Variants in USP34 observed in about 807,000 individuals in gnomAD.
The protein encoded by USP34 is ubiquitin carboxyl-terminal hydrolase 34.
In USP34, 70 loss-of-function variants were observed where a neutral mutation model predicts 460.3. The ratio of observed to expected loss-of-function variants is 0.15; its 90% CI spans 0.13 to 0.19. The LOEUF (loss-of-function observed/expected upper bound fraction) is 0.19. Ranked by LOEUF, USP34 falls within the 10% of genes least tolerant of loss-of-function variation. The pLI is 1.00. For synonymous variants in USP34, 1,647 were observed against 1,405.3 expected, an observed-to-expected ratio of 1.17 and a Z score of -3.85; for missense variants, 3,985 against 4,236.2, an observed-to-expected ratio of 0.94 and a Z score of 1.65.
chr2:61,221,714 G>T, intron 65 of USP34, 108 bp from the exon 66 acceptor site: 1 of 992,742 alleles, frequency 1.0e-6, no homozygotes, highest in Non-Finnish European at 1.4e-6. Flanking sequence ...CTGTGTTAGG[G>T]AAGGAGAGCT....
At chr2:61,464,502 C>CTA (rs1695704438) in intron 1 of USP34, among the ~76,000 whole-genome samples, 3 of 152,152 alleles carry the variant, frequency 2.0e-5, no homozygotes, top group African/African-American at 7.2e-5. Flanking sequence ...TTGCTCTTGC[C>CTA]TATCTCACAT....
chr2:61,334,580 C>T (rs1460055936), intron 18 of USP34, among the ~76,000 whole-genome samples: 4 of 152,124 alleles, frequency 2.6e-5, no homozygotes, highest in Non-Finnish European at 5.9e-5. Flanking sequence ...GAAGCCAATA[C>T]TGCTTCATGA....
At chr2:61,381,630 CCTGG>C (rs1558561228) in intron 6 of USP34, among the ~76,000 whole-genome samples, 4 of 152,170 alleles carry the variant, frequency 2.6e-5, no homozygotes, top group African/African-American at 9.7e-5. Context: ...AGCCACCATG[CCTGG>C]CTGGCTATTG....
At chr2:61,433,061 C>G (rs1452867617) in intron 1 of USP34, among the ~76,000 whole-genome samples, 1 of 152,126 alleles carries the variant, frequency 6.6e-6, no homozygotes, top group African/African-American at 2.4e-5. Context: ...TAGCATTCAT[C>G]CTACACACAA....
At chr2:61,195,128 G>A (rs937564599) in intron 75 of USP34, among the ~76,000 whole-genome samples, 1 of 152,056 alleles carries the variant, frequency 6.6e-6, no homozygotes, top group Non-Finnish European at 1.5e-5. Context: ...GCTGAGGCAG[G>A]AGAACTGCTT....
At chr2:61,207,286 C>T (rs1332613259) in intron 70 of USP34, 1 of 156,646 alleles carries the variant, frequency 6.4e-6, no homozygotes, top group Non-Finnish European at 1.4e-5. Flanking sequence ...CAGCCATACT[C>T]AAAAGAGTAG....
chr2:61,359,423 C>T (rs1271887401), intron 10 of USP34, among the ~76,000 whole-genome samples: 1 of 152,150 alleles, frequency 6.6e-6, no homozygotes, highest in Non-Finnish European at 1.5e-5. Context: ...CTTTACCTTA[C>T]ACCACATGTA....
At chr2:61,375,296 G>C (rs1176009575) in intron 8 of USP34, among the ~76,000 whole-genome samples, 2 of 152,120 alleles carry the variant, frequency 1.3e-5, no homozygotes, top group Non-Finnish European at 2.9e-5. Flanking sequence ...AATGCTAGTG[G>C]GGATGTAAAA....
At position 61,227,112 on chromosome 2, in the gene USP34, A is replaced by G; in HGVS notation, c.7550T>C (p.Met2517Thr). ...EKYRPAALEK[M>T]IALVALLVEQ... ...AACCAAAAGAGCAACTAAAGCTATC[A>G]TCTTTTCAAGGGCAGCTGGCCTGTA... The change falls in exon 62 of 80, where the codon ATG becomes ACG. Residue 2517 changes from methionine (M) to threonine (T), a missense_variant. By Grantham distance (81) the Met-to-Thr change is moderately conservative. Transcript: ENST00000398571. The G allele has an allele frequency of 6.2e-7, 1 of 1,613,658 alleles. No homozygotes were observed. The highest frequency in any genetic ancestry group is 8.5e-7 in the Non-Finnish European group (1 of 1,179,918).
chr2:61,235,318 AT>A (rs1558481916), intron 57 of USP34, among the ~76,000 whole-genome samples: 2 of 124,766 alleles, frequency 1.6e-5, no homozygotes, highest in African/African-American at 3.0e-5. Context: ...GGGGGAAAAA[AT>A]TTTTTTTTCT....
At chr2:61,229,659 A>G (rs1687835485) in intron 58 of USP34, 26 bp from the exon 59 acceptor site, 3 of 1,573,426 alleles carry the variant, frequency 1.9e-6, no homozygotes, top group Non-Finnish European at 2.6e-6. Context: ...AAGATCAAAC[A>G]AGAGCCAACT....
intron 8 of USP34, 89 bp from the exon 9 acceptor site, chr2:61,370,668 T>A (rs945012338): frequency 3.9e-5 from 45 of 1,162,064 alleles, no homozygotes; most frequent in Middle Eastern, 2.9e-4. Flanking sequence ...AACCTAAATT[T>A]GTTCCTATAG....
At chr2:61,442,679 C>T (rs180702998) in intron 1 of USP34, among the ~76,000 whole-genome samples, 1 of 152,214 alleles carries the variant, frequency 6.6e-6, no homozygotes, top group African/African-American at 2.4e-5. Context: ...CTAGCACAGC[C>T]ACTATAGAGA....
At chr2:61,340,893 T>C (rs2103756731) in intron 16 of USP34, among the ~76,000 whole-genome samples, 1 of 150,982 alleles carries the variant, frequency 6.6e-6, no homozygotes, top group South Asian at 2.1e-4. Flanking sequence ...GGGGGGACTG[T>C]TTTGGTATTT....
rs373863675 is a variant in USP34 at position 61,462,513 on chromosome 2, C to G, written c.43+8137G>C. 1.3e-5 allele frequency among the ~76,000 whole-genome samples: 2 copies of G among 150,152 alleles called. 1 individual carries two copies. Among genetic ancestry groups the G allele is most frequent in the East Asian group, 3.9e-4 (2 of 5,084 alleles). On this transcript the variant is annotated intron_variant, in intron 1 of 79. Transcript: ENST00000398571. Reference sequence around the variant, plus strand: ...GAAGTGAGCCAAGATCATGCCACTGCACTCCAGCCTGGGCCACAGAGTAAG... The same window carrying G: ...GAAGTGAGCCAAGATCATGCCACTGGACTCCAGCCTGGGCCACAGAGTAAG...
At chr2:61,276,889 T>C (rs1416426124) in intron 41 of USP34, among the ~76,000 whole-genome samples, 1 of 152,238 alleles carries the variant, frequency 6.6e-6, no homozygotes, top group Non-Finnish European at 1.5e-5. Context: ...GAGGACAATC[T>C]TCTATCCTTT....
intron 22 of USP34, 82 bp downstream of exon 22, chr2:61,319,091 A>G: frequency 7.4e-7 from 1 of 1,358,884 alleles, no homozygotes; most frequent in African/African-American, 1.5e-5. Flanking sequence ...TCAAAAAAAA[A>G]AAGGCATTAC....
At chr2:61,352,344 C>T (rs1018021267) in intron 10 of USP34, among the ~76,000 whole-genome samples, 4 of 151,684 alleles carry the variant, frequency 2.6e-5, no homozygotes, top group African/African-American at 9.7e-5. Flanking sequence ...CTAAACTATA[C>T]ACTATATGTA....
Position 61,223,042 on chromosome 2 carries a change from C to CTGTT in USP34, c.7749+14_7749+17dup. On this transcript the variant is annotated intron_variant, in intron 64 of 79. Transcript: ENST00000398571. ...TTAAAATTTCCAAAAATCTTTAAGA[C>CTGTT]TGTTCCTTAGCACTTACATGTTCTG... The CTGTT allele has an allele frequency of 6.3e-7, 1 of 1,596,294 alleles. No individual in the cohort carries two copies. The highest frequency in any genetic ancestry group is 1.3e-5 in the African/African-American group (1 of 74,288).
Sources: allele counts gnomAD v4.1 joint callset (sites outside exome capture counted in the v4.1 genomes callset), GRCh38; gene constraint gnomAD v4.1.1; transcripts MANE v1.5; gene names NCBI Gene and HGNC (gene_info 2026-07-23, HGNC 2026-07-21).